RAP1A: variants seen among roughly 807,000 people sequenced by gnomAD.
RAP1A encodes ras-related protein Rap-1A.
Under a neutral mutation model 26.4 loss-of-function variants are expected in RAP1A, and 6 were observed. The observed-to-expected ratio is 0.23, with a 90% CI of 0.12 to 0.45. RAP1A has a LOEUF of 0.45. Ranked by LOEUF, RAP1A falls within the 20% of genes least tolerant of loss-of-function variation. The pLI is 0.99. For synonymous variants in RAP1A, 73 were observed against 79.4 expected (o/e 0.92, Z 0.43); for missense variants, 121 against 217.2 (o/e 0.56, Z 2.78).
At chr1:111,620,245 C>T (rs546682681) in intron 1 of RAP1A, among the ~76,000 whole-genome samples, 2 of 152,316 alleles carry the variant, frequency 1.3e-5, no homozygotes, top group South Asian at 4.1e-4. Context: ...ACATTGTGTC[C>T]CCCACCCTTC....
intron 1 of RAP1A, among the ~76,000 whole-genome samples, chr1:111,690,668 G>A (rs763166981): frequency 6.6e-6 from 1 of 152,236 alleles, no homozygotes; most frequent in Non-Finnish European, 1.5e-5. Flanking sequence ...TTATTCCACC[G>A]TGGCCACTGA....
intron 1 of RAP1A, among the ~76,000 whole-genome samples, chr1:111,590,593 T>C (rs1354759031): frequency 6.6e-6 from 1 of 151,804 alleles, no homozygotes; most frequent in Non-Finnish European, 1.5e-5. Flanking sequence ...TTTCTAATGG[T>C]CTTTTTTTTT....
chr1:111,596,241 A>AG (rs1275622254), intron 1 of RAP1A, among the ~76,000 whole-genome samples: 2 of 152,138 alleles, frequency 1.3e-5, no homozygotes, highest in Non-Finnish European at 2.9e-5. Context: ...TAAAAAAAAA[A>AG]TGACCACTGG....
chr1:111,644,885 A>G (rs867140521), intron 1 of RAP1A, among the ~76,000 whole-genome samples: 2 of 152,104 alleles, frequency 1.3e-5, no homozygotes, highest in East Asian at 3.8e-4. Flanking sequence ...TTTAAAAAAG[A>G]TTTGTTTTTG....
chr1:111,563,661 G>A (rs776877454), intron 1 of RAP1A, among the ~76,000 whole-genome samples: 3 of 152,128 alleles, frequency 2.0e-5, no homozygotes, highest in Non-Finnish European at 2.9e-5. Flanking sequence ...GCATTTTCAC[G>A]TATATTATGT....
At chr1:111,634,951 T>C (rs1659683404) in intron 1 of RAP1A, among the ~76,000 whole-genome samples, 1 of 152,166 alleles carries the variant, frequency 6.6e-6, no homozygotes, top group Non-Finnish European at 1.5e-5. Context: ...CCTGTTCATA[T>C]ATTTTATAAT....
chr1:111,604,991 C>T (rs973000334), intron 1 of RAP1A, among the ~76,000 whole-genome samples: 1 of 152,216 alleles, frequency 6.6e-6, no homozygotes, highest in Non-Finnish European at 1.5e-5. Flanking sequence ...CTCCATTGAA[C>T]TCAGACAAGA....
intron 1 of RAP1A, among the ~76,000 whole-genome samples, chr1:111,599,329 C>T (rs1469212502): frequency 5.3e-5 from 8 of 152,146 alleles, no homozygotes; most frequent in Non-Finnish European, 7.3e-5. Context: ...CTTCAGCCTC[C>T]TGAGTAGCTG....
At chr1:111,705,957 A>C (rs1662176865) in intron 6 of RAP1A, among the ~76,000 whole-genome samples, 1 of 152,192 alleles carries the variant, frequency 6.6e-6, no homozygotes, top group Admixed American at 6.5e-5. Context: ...TCCAGTGCAT[A>C]GGACTTCTCC....
At chr1:111,637,943 T>G (rs1400886205) in intron 1 of RAP1A, among the ~76,000 whole-genome samples, 2 of 152,084 alleles carry the variant, frequency 1.3e-5, no homozygotes, top group African/African-American at 4.8e-5. Context: ...TTCTGTACAT[T>G]TTAATATTTT....
chr1:111,632,794 G>A (rs1343799477), intron 1 of RAP1A, among the ~76,000 whole-genome samples: 1 of 152,022 alleles, frequency 6.6e-6, no homozygotes, highest in Non-Finnish European at 1.5e-5. Context: ...GGTGGCGCAT[G>A]CCTGTAATCC....
intron 1 of RAP1A, among the ~76,000 whole-genome samples, chr1:111,584,950 C>T (rs562915545): frequency 1.2e-4 from 18 of 152,264 alleles, no homozygotes; most frequent in African/African-American, 3.9e-4. Flanking sequence ...AATTAAATAT[C>T]TTTCATCTTC....
At chr1:111,666,730 CAAAG>C (rs1176937357) in intron 1 of RAP1A, among the ~76,000 whole-genome samples, 1 of 151,816 alleles carries the variant, frequency 6.6e-6, no homozygotes, top group Admixed American at 6.6e-5. Context: ...AGTTTTGACT[CAAAG>C]GGGTCAGGGA....
intron 1 of RAP1A, among the ~76,000 whole-genome samples, chr1:111,659,511 CTT>C (rs371417275): frequency 1.4e-5 from 2 of 141,616 alleles, no homozygotes. Context: ...GTGACAGTCT[CTT>C]TTTTTTTTTT....
chr1:111,615,355 C>T (rs1658994506), upstream of RAP1A, among the ~76,000 whole-genome samples: 1 of 151,596 alleles, frequency 6.6e-6, no homozygotes. Flanking sequence ...AACAGGAGAT[C>T]ACAGCAAAAG....
intron 1 of RAP1A, among the ~76,000 whole-genome samples, chr1:111,605,158 G>T (rs1017663551): frequency 3.3e-5 from 5 of 152,152 alleles, no homozygotes; most frequent in African/African-American, 1.2e-4. Context: ...GGCATGACTG[G>T]TATTCTAAGG....
At chr1:111,682,511 A>G (rs1293645796) in intron 1 of RAP1A, among the ~76,000 whole-genome samples, 2 of 152,074 alleles carry the variant, frequency 1.3e-5, no homozygotes, top group African/African-American at 4.8e-5. Flanking sequence ...AGCCAAAAAA[A>G]AAAAAAAGCG....
intron 1 of RAP1A, among the ~76,000 whole-genome samples, chr1:111,632,340 T>G (rs1026459080): frequency 1.3e-5 from 2 of 152,068 alleles, no homozygotes; most frequent in Admixed American, 1.3e-4. Flanking sequence ...CTTAATAAAT[T>G]CTAAGTTTAG....
At chr1:111,632,921 C>CAAAA (rs59053038) in intron 1 of RAP1A, among the ~76,000 whole-genome samples, 80 of 68,552 alleles carry the variant, frequency 1.2e-3, no homozygotes, top group Middle Eastern at 9.8e-3. Flanking sequence ...AACTTGGTCT[C>CAAAA]AAAAAAAAAA....
Sources: gnomAD v4.1 joint callset for allele counts (sites outside exome capture counted in the v4.1 genomes callset) on GRCh38, gnomAD v4.1.1 for gene constraint, MANE v1.5 for transcripts, NCBI Gene and HGNC (gene_info 2026-07-23, HGNC 2026-07-21) for gene names.